SGCZ: variants seen among roughly 807,000 people sequenced by gnomAD.
SGCZ encodes the protein sarcoglycan zeta.
In SGCZ, 40 loss-of-function variants were observed where a neutral mutation model predicts 41.3. That is an observed-to-expected ratio of 0.97 (90% CI 0.75 to 1.26). The LOEUF is 1.26. Ranked by LOEUF, SGCZ falls within the 50% of genes most tolerant of loss-of-function variation. The pLI is 0.00. For synonymous variants in SGCZ, 206 were observed against 137.5 expected (o/e 1.50, Z -3.49); for missense variants, 552 against 369.8 (o/e 1.49, Z -4.04).
At chr8:14,403,265 A>G (rs1031404132) in intron 2 of SGCZ, among the ~76,000 whole-genome samples, 5 of 150,162 alleles carry the variant, frequency 3.3e-5, no homozygotes, top group African/African-American at 7.6e-5. Context: ...TCTTTTCCTA[A>G]TTGAATACCC....
intron 5 of SGCZ, among the ~76,000 whole-genome samples, chr8:14,139,040 T>C (rs10113838): frequency 1 from 152,287 of 152,326 alleles, 76,124 homozygotes; most frequent in Non-Finnish European, 1. Flanking sequence ...AAGAAACTCA[T>C]TCAAAACTGC....
chr8:14,597,793 C>A (rs899182613), intron 1 of SGCZ, among the ~76,000 whole-genome samples: 1 of 152,014 alleles, frequency 6.6e-6, no homozygotes, highest in Non-Finnish European at 1.5e-5. Flanking sequence ...CTTTTTATTT[C>A]TCTTTCTCTC....
intron 1 of SGCZ, among the ~76,000 whole-genome samples, chr8:14,919,455 A>C (rs1412045097): frequency 6.6e-6 from 1 of 152,110 alleles, no homozygotes; most frequent in South Asian, 2.1e-4. Flanking sequence ...AATAAATACA[A>C]TTAAAATATT....
rs567764819 is a variant in SGCZ at position 14,309,500 on chromosome 8, G to A, written c.336+14603C>T. ...TGTTGTTAATGTTAGAGCTAATTGT[G>A]ATAAGAGAGCAGTGTGGACTACTGA... On this transcript the variant is annotated intron_variant, in intron 3 of 7. Transcript: ENST00000382080. 2.7e-5 allele frequency: 43 copies of A among 1,608,658 alleles called. No individual in the cohort carries two copies. The South Asian group carries it at 4.6e-4, about 17-fold the overall frequency.
intron 1 of SGCZ, among the ~76,000 whole-genome samples, chr8:14,560,627 T>C (rs1031977010): frequency 6.6e-6 from 1 of 152,152 alleles, no homozygotes; most frequent in African/African-American, 2.4e-5. Flanking sequence ...TCTAGAATGT[T>C]CTATTTCTAC....
intron 2 of SGCZ, among the ~76,000 whole-genome samples, chr8:14,493,099 A>C (rs1312412398): frequency 6.6e-6 from 1 of 152,090 alleles, no homozygotes; most frequent in Non-Finnish European, 1.5e-5. Flanking sequence ...CTCAAAATGC[A>C]AATACAATTT....
chr8:14,353,131 C>A (rs1803161770), intron 2 of SGCZ, among the ~76,000 whole-genome samples: 1 of 152,022 alleles, frequency 6.6e-6, no homozygotes, highest in Non-Finnish European at 1.5e-5. Context: ...GGCAAGTTAC[C>A]CAACTTCTCT....
intron 1 of SGCZ, among the ~76,000 whole-genome samples, chr8:14,629,721 C>A (rs1806583824): frequency 6.6e-6 from 1 of 151,822 alleles, no homozygotes; most frequent in Non-Finnish European, 1.5e-5. Context: ...CTATTTAGGA[C>A]TTTTTTAGGG....
chr8:14,548,724 G>T (rs565976855), intron 2 of SGCZ, among the ~76,000 whole-genome samples: 2 of 152,012 alleles, frequency 1.3e-5, no homozygotes, highest in Non-Finnish European at 2.9e-5. Flanking sequence ...TATTTTGTTT[G>T]GTGTATGTGC....
At chr8:14,619,470 G>A (rs980917222) in intron 1 of SGCZ, among the ~76,000 whole-genome samples, 1 of 152,042 alleles carries the variant, frequency 6.6e-6, no homozygotes. Flanking sequence ...AAAATAAAGG[G>A]TATTCAATTA....
chr8:14,997,577 G>A (rs906286805), intron 1 of SGCZ, among the ~76,000 whole-genome samples: 4 of 152,190 alleles, frequency 2.6e-5, no homozygotes, highest in African/African-American at 7.2e-5. Flanking sequence ...TTATTAATAT[G>A]TAATGATATT....
At chr8:15,030,993 G>A (rs1326955329) in intron 1 of SGCZ, among the ~76,000 whole-genome samples, 1 of 152,058 alleles carries the variant, frequency 6.6e-6, no homozygotes, top group Non-Finnish European at 1.5e-5. Context: ...AAGTTTCCTG[G>A]AGGATTATCC....
intron 4 of SGCZ, among the ~76,000 whole-genome samples, chr8:14,205,423 T>A (rs1210806364): frequency 6.6e-6 from 1 of 152,206 alleles, no homozygotes; most frequent in Non-Finnish European, 1.5e-5. Flanking sequence ...TGCTTTTTAA[T>A]GCAGAGGTTA....
At chr8:14,831,491 T>A (rs770815644) in intron 1 of SGCZ, among the ~76,000 whole-genome samples, 8 of 152,138 alleles carry the variant, frequency 5.3e-5, no homozygotes, top group Non-Finnish European at 1.0e-4. Context: ...TGCCATCAGA[T>A]AGACATCGAC....
At chr8:14,745,648 T>C (rs1180048652) in intron 1 of SGCZ, among the ~76,000 whole-genome samples, 3 of 151,930 alleles carry the variant, frequency 2.0e-5, no homozygotes, top group Non-Finnish European at 2.9e-5. Context: ...CACACACACA[T>C]ATATATATAC....
chr8:14,124,393 C>G (rs1276334083), intron 5 of SGCZ, among the ~76,000 whole-genome samples: 1 of 152,062 alleles, frequency 6.6e-6, no homozygotes, highest in Non-Finnish European at 1.5e-5. Context: ...CACACCCACA[C>G]AAGACCCCAA....
chr8:14,279,220 T>G (rs1297112587), intron 3 of SGCZ, among the ~76,000 whole-genome samples: 1 of 152,168 alleles, frequency 6.6e-6, no homozygotes, highest in South Asian at 2.1e-4. Context: ...GAGTTTACTT[T>G]TGGTTTTCTT....
chr8:14,608,675 G>A (rs73519262), intron 1 of SGCZ, among the ~76,000 whole-genome samples: 441 of 151,998 alleles, frequency 2.9e-3, no homozygotes, highest in African/African-American at 0.01. Context: ...AGCTGTTTGG[G>A]TCATGGGGGT....
chr8:14,702,801 G>A (rs1809187711), intron 1 of SGCZ, among the ~76,000 whole-genome samples: 5 of 142,156 alleles, frequency 3.5e-5, no homozygotes, highest in African/African-American at 1.0e-4. Flanking sequence ...AGGCAGACAG[G>A]TAGGTAGTTA....
Sources: allele counts gnomAD v4.1 joint callset (sites outside exome capture counted in the v4.1 genomes callset), GRCh38; gene constraint gnomAD v4.1.1; transcripts MANE v1.5; gene names NCBI Gene and HGNC (gene_info 2026-07-23, HGNC 2026-07-21).